NRXN3: variants seen among roughly 807,000 people sequenced by gnomAD.
NRXN3 encodes the protein neurexin III.
Under a neutral mutation model 137.6 loss-of-function variants are expected in NRXN3, and 32 were observed. That is an observed-to-expected ratio of 0.23 (90% CI 0.18 to 0.31). NRXN3 has a LOEUF of 0.31. Among genes scored for constraint, NRXN3 ranks in the 10% least tolerant of loss-of-function variants. The pLI is 1.00. For synonymous variants in NRXN3, 798 were observed against 784.5 expected (o/e 1.02, Z -0.29); for missense variants, 1,574 against 2,062.5 (o/e 0.76, Z 4.59).
At chr14:78,521,715 A>G (rs1334889610) in intron 4 of NRXN3, among the ~76,000 whole-genome samples, 5 of 152,214 alleles carry the variant, frequency 3.3e-5, no homozygotes. Flanking sequence ...TTTATAATGT[A>G]AAATACCACA....
intron 4 of NRXN3, among the ~76,000 whole-genome samples, chr14:78,459,748 A>G (rs1380637167): frequency 6.6e-6 from 1 of 152,206 alleles, no homozygotes; most frequent in African/African-American, 2.4e-5. Flanking sequence ...CTCGTACTAT[A>G]TATTCACAAC....
intron 15 of NRXN3, among the ~76,000 whole-genome samples, chr14:79,003,047 T>C (rs1376652548): frequency 6.6e-6 from 1 of 152,136 alleles, no homozygotes; most frequent in African/African-American, 2.4e-5. Flanking sequence ...GCTGTAATCA[T>C]AGTGTATTAC....
chr14:79,520,111 C>A (rs775297792), intron 16 of NRXN3, among the ~76,000 whole-genome samples: 1 of 151,838 alleles, frequency 6.6e-6, no homozygotes, highest in Admixed American at 6.6e-5. Flanking sequence ...ACCTTCATTG[C>A]GAATTTCATC....
chr14:79,145,227 T>C (rs554668592), intron 15 of NRXN3, among the ~76,000 whole-genome samples: 2 of 152,300 alleles, frequency 1.3e-5, no homozygotes, highest in Admixed American at 6.5e-5. Flanking sequence ...TGTGATTATT[T>C]AGGTAAAGTA....
intron 15 of NRXN3, among the ~76,000 whole-genome samples, chr14:79,120,741 AT>A (rs1481674295): frequency 6.6e-6 from 1 of 152,096 alleles, no homozygotes; most frequent in Non-Finnish European, 1.5e-5. Flanking sequence ...AAGATGTTAA[AT>A]TTTTTAAATA....
chr14:79,103,923 A>G (rs1411338486), intron 15 of NRXN3, among the ~76,000 whole-genome samples: 2 of 152,134 alleles, frequency 1.3e-5, no homozygotes, highest in African/African-American at 2.4e-5. Context: ...GCACACATAC[A>G]TGCACATCTG....
chr14:79,673,444 TG>T (rs2098622665), intron 17 of NRXN3, among the ~76,000 whole-genome samples: 1 of 152,080 alleles, frequency 6.6e-6, no homozygotes, highest in Non-Finnish European at 1.5e-5. Flanking sequence ...AATGCTGAAG[TG>T]TATATCAAAC....
intron 16 of NRXN3, among the ~76,000 whole-genome samples, chr14:79,508,228 C>G: frequency 6.6e-6 from 1 of 151,942 alleles, no homozygotes; most frequent in East Asian, 1.9e-4. Flanking sequence ...ATATTTAACA[C>G]TAAACTTGGT....
At position 79,246,267 on chromosome 14, in the gene NRXN3, G is replaced by T. The variant is rs560685747; in HGVS notation, c.3263-220954G>T. On this transcript the variant is annotated intron_variant, in intron 15 of 20. Transcript: ENST00000335750. ...TTTGGCCTAGCCAGGGATAATTTTGGCCTGGAAAGCTCAGATTTCTAATCT... is the reference window on the plus strand; with the variant it reads ...TTTGGCCTAGCCAGGGATAATTTTGTCCTGGAAAGCTCAGATTTCTAATCT... Among the ~76,000 whole-genome samples, 17 of 152,284 alleles carry T rather than the reference G, an allele frequency of 1.1e-4. No homozygotes were observed. In the East Asian group the frequency reaches 3.1e-3, roughly 28 times the overall value.
chr14:78,676,558 C>T (rs1390569314), intron 6 of NRXN3, among the ~76,000 whole-genome samples: 1 of 152,108 alleles, frequency 6.6e-6, no homozygotes, highest in Non-Finnish European at 1.5e-5. Context: ...AAGCCATCTC[C>T]ATAACATAAT....
intron 16 of NRXN3, among the ~76,000 whole-genome samples, chr14:79,503,983 C>T (rs2096848940): frequency 6.6e-6 from 1 of 152,194 alleles, no homozygotes; most frequent in Non-Finnish European, 1.5e-5. Context: ...GGTACAATTT[C>T]CATAGCTACC....
At chr14:78,573,993 A>G (rs1347598545) in intron 4 of NRXN3, among the ~76,000 whole-genome samples, 1 of 152,200 alleles carries the variant, frequency 6.6e-6, no homozygotes, top group African/African-American at 2.4e-5. Flanking sequence ...CAGTCTCAGA[A>G]CTTGGTGCTC....
At chr14:79,757,196 G>A (rs2099022610) in intron 19 of NRXN3, among the ~76,000 whole-genome samples, 1 of 152,104 alleles carries the variant, frequency 6.6e-6, no homozygotes, top group Non-Finnish European at 1.5e-5. Flanking sequence ...TTCTTCAGGG[G>A]CTCTCTCCTG....
At chr14:79,315,873 T>C (rs1000981913) in intron 15 of NRXN3, among the ~76,000 whole-genome samples, 6 of 152,242 alleles carry the variant, frequency 3.9e-5, no homozygotes, top group African/African-American at 1.4e-4. Flanking sequence ...TATTTCTTAA[T>C]ATGGACAATT....
intron 15 of NRXN3, among the ~76,000 whole-genome samples, chr14:79,435,161 G>A (rs1470262503): frequency 1.3e-5 from 2 of 152,176 alleles, no homozygotes; most frequent in Non-Finnish European, 2.9e-5. Context: ...AAGTGATAAT[G>A]TTAAGGAAGG....
intron 16 of NRXN3, among the ~76,000 whole-genome samples, chr14:79,604,493 C>T (rs1012064073): frequency 6.6e-5 from 10 of 151,150 alleles, no homozygotes; most frequent in African/African-American, 2.4e-4. Flanking sequence ...CCTTGGCCTC[C>T]AAAAGCGGTA....
chr14:79,686,336 G>C (rs556824075), intron 17 of NRXN3, among the ~76,000 whole-genome samples: 1 of 152,014 alleles, frequency 6.6e-6, no homozygotes, highest in South Asian at 2.1e-4. Context: ...TGCAAATATC[G>C]AGACTGAAAA....
chr14:78,202,985 C>T (rs192344482), intron 1 of NRXN3, among the ~76,000 whole-genome samples: 472 of 152,290 alleles, frequency 3.1e-3, no homozygotes, highest in Admixed American at 7.0e-3. Flanking sequence ...ACAGCCTGGT[C>T]GGGGCTACCA....
intron 4 of NRXN3, among the ~76,000 whole-genome samples, chr14:78,386,684 G>C (rs1487273730): frequency 6.6e-6 from 1 of 152,218 alleles, no homozygotes; most frequent in Admixed American, 6.5e-5. Context: ...AAGTGGCAGA[G>C]GAAGAACTTG....
Sources: allele counts gnomAD v4.1 joint callset (sites outside exome capture counted in the v4.1 genomes callset), GRCh38; gene constraint gnomAD v4.1.1; transcripts MANE v1.5; gene names NCBI Gene and HGNC (gene_info 2026-07-23, HGNC 2026-07-21).